Variants in HIVEP3 observed in about 807,000 individuals in gnomAD.
HIVEP3 encodes the protein transcription factor HIVEP3.
Under a neutral mutation model 152.8 loss-of-function variants are expected in HIVEP3, and 49 were observed. That is an observed-to-expected ratio of 0.32 (90% CI 0.26 to 0.41). HIVEP3 has a LOEUF of 0.41. Among genes scored for constraint, HIVEP3 ranks in the 10% least tolerant of loss-of-function variants. HIVEP3 has a pLI of 1.00. For missense variants in HIVEP3, 2,790 were observed against 3,103.3 expected, an observed-to-expected ratio of 0.90 and a Z score of 2.40; for synonymous variants, 1,269 against 1,289.0, an observed-to-expected ratio of 0.98 and a Z score of 0.33.
rs557624440 is a variant in HIVEP3, at chr1:41,753,098, A to C, written c.-800-52103T>G. Among the ~76,000 whole-genome samples the C allele has an allele frequency of 2.6e-5, 4 of 152,372 alleles. No individual in the cohort carries two copies. The East Asian group carries it at 7.7e-4, about 29-fold the overall frequency. On this transcript the variant is annotated intron_variant, in intron 1 of 8. Coordinates refer to ENST00000372583, the MANE Select transcript of HIVEP3 (RefSeq NM_024503.5). ...CTTCTGTAAAAACTCACGTGAGAAC[A>C]GTGGCAGGTAACTTGGCAAAGACTT...
chr1:42,035,849 G>T, exon 1 of HIVEP3: 1 of 149,946 alleles, frequency 6.7e-6, no homozygotes, highest in South Asian at 1.8e-4. Context: ...TTGGGATGCC[G>T]GGGTGGCGGG....
chr1:41,896,983 G>A (rs1644538739), intron 1 of HIVEP3, among the ~76,000 whole-genome samples: 1 of 152,094 alleles, frequency 6.6e-6, no homozygotes, highest in Non-Finnish European at 1.5e-5. Context: ...CAGCAGTCAT[G>A]GAGCGCTCGT....
intron 1 of HIVEP3, among the ~76,000 whole-genome samples, chr1:42,015,495 C>T (rs1411433297): frequency 1.3e-5 from 2 of 152,214 alleles, no homozygotes; most frequent in Non-Finnish European, 2.9e-5. Context: ...CAAGACCTGC[C>T]TCCTAAGGAA....
chr1:41,924,671 G>C (rs564962273), intron 1 of HIVEP3, among the ~76,000 whole-genome samples: 1 of 144,120 alleles, frequency 6.9e-6, no homozygotes, highest in Non-Finnish European at 1.6e-5. Context: ...ACGATAAAGT[G>C]AGACCATCTA....
chr1:41,567,570 G>C (rs1644185456), intron 5 of HIVEP3, among the ~76,000 whole-genome samples: 1 of 152,174 alleles, frequency 6.6e-6, no homozygotes, highest in Admixed American at 6.5e-5. Flanking sequence ...TGGGCCTCAG[G>C]GATAAGGCAG....
At chr1:41,955,495 CA>C (rs200126429) in intron 1 of HIVEP3, among the ~76,000 whole-genome samples, 11 of 150,420 alleles carry the variant, frequency 7.3e-5, no homozygotes, top group East Asian at 2.0e-4. Context: ...CAACAGCACA[CA>C]AAAAAAAACC....
intron 5 of HIVEP3, 126 bp downstream of exon 5, chr1:41,575,418 C>A (rs1434512341): frequency 4.2e-6 from 4 of 951,220 alleles, no homozygotes; most frequent in Non-Finnish European, 6.4e-6. Context: ...TGAAAGGCAT[C>A]GCTGGGACCA....
At chr1:41,726,153 A>C (rs1646749113) in intron 1 of HIVEP3, among the ~76,000 whole-genome samples, 1 of 152,220 alleles carries the variant, frequency 6.6e-6, no homozygotes, top group African/African-American at 2.4e-5. Context: ...TTTGAAACCA[A>C]ACCTTTTTCT....
chr1:41,519,640 G>C, intron 6 of HIVEP3, among the ~76,000 whole-genome samples: 1 of 152,220 alleles, frequency 6.6e-6, no homozygotes, highest in South Asian at 2.1e-4. Flanking sequence ...AAGTTTGAAT[G>C]GATGGATGGA....
At chr1:41,825,691 G>C (rs564386224) in intron 1 of HIVEP3, among the ~76,000 whole-genome samples, 4 of 152,052 alleles carry the variant, frequency 2.6e-5, no homozygotes, top group African/African-American at 7.2e-5. Flanking sequence ...CTGTAGCCTT[G>C]ACCACCCCAG....
At chr1:41,752,644 C>T (rs1647184988) in intron 1 of HIVEP3, among the ~76,000 whole-genome samples, 1 of 151,882 alleles carries the variant, frequency 6.6e-6, no homozygotes, top group Admixed American at 6.5e-5. Context: ...ATGCAAATCC[C>T]TGGGCCTGTC....
At chr1:41,673,471 T>C (rs1229140322) in intron 2 of HIVEP3, among the ~76,000 whole-genome samples, 3 of 152,162 alleles carry the variant, frequency 2.0e-5, no homozygotes, top group Non-Finnish European at 2.9e-5. Context: ...GAGGGGAGGC[T>C]GAGGCTGAGG....
rs1645741158 is a variant in HIVEP3 at position 41,662,935 on chromosome 1, C to A, written c.-720-33988G>T. Among the ~76,000 whole-genome samples, 1 of 152,208 alleles carries A rather than the reference C, an allele frequency of 6.6e-6. No individual in the cohort carries two copies. The highest frequency in any genetic ancestry group is 6.5e-5 in the Admixed American group (1 of 15,292). ...AGCCCGCGCCTCCCCAGGCGGGAAT[C>A]CGCTTTAATGAGCTCTGGGCGGGGC... On this transcript the variant is annotated intron_variant, in intron 2 of 8. Transcript: ENST00000372583. This position sits in a 1 kb window ranked among gnomAD's most constrained non-coding sequence, Gnocchi z 7.2.
intron 1 of HIVEP3, among the ~76,000 whole-genome samples, chr1:41,990,282 G>A (rs377543025): frequency 2.7e-5 from 4 of 148,194 alleles, no homozygotes; most frequent in African/African-American, 5.0e-5. Flanking sequence ...GGTTTCTGCT[G>A]AGAGATCTGC....
intron 1 of HIVEP3, among the ~76,000 whole-genome samples, chr1:41,738,492 C>A (rs987674702): frequency 3.3e-5 from 5 of 152,146 alleles, no homozygotes; most frequent in African/African-American, 1.2e-4. Context: ...CAAAGAAATT[C>A]ATTGACTCTT....
intron 7 of HIVEP3, among the ~76,000 whole-genome samples, chr1:41,514,138 G>A (rs1214680275): frequency 6.6e-6 from 1 of 151,104 alleles, no homozygotes; most frequent in Non-Finnish European, 1.5e-5. Context: ...CCATAGCAAA[G>A]AAGACAGTCT....
intron 1 of HIVEP3, among the ~76,000 whole-genome samples, chr1:41,731,892 A>G (rs1570417554): frequency 6.6e-6 from 1 of 152,234 alleles, no homozygotes; most frequent in Non-Finnish European, 1.5e-5. Flanking sequence ...GGGGTAATTT[A>G]CCACATGCAA....
intron 1 of HIVEP3, among the ~76,000 whole-genome samples, chr1:41,726,315 G>A (rs1247654726): frequency 5.3e-5 from 8 of 152,124 alleles, no homozygotes; most frequent in Non-Finnish European, 1.2e-4. Flanking sequence ...CTGCCTCCAA[G>A]AGTCAAGGCA....
intron 1 of HIVEP3, among the ~76,000 whole-genome samples, chr1:41,845,203 C>CTTATTT (rs1643402376): frequency 2.1e-5 from 1 of 47,832 alleles, no homozygotes. Context: ...TAAGAGACTA[C>CTTATTT]AATATGTTTA....
Sources: allele counts gnomAD v4.1 joint callset (sites outside exome capture counted in the v4.1 genomes callset), GRCh38; gene constraint gnomAD v4.1.1; non-coding constraint Gnocchi (gnomAD v3.1); transcripts MANE v1.5; gene names NCBI Gene and HGNC (gene_info 2026-07-23, HGNC 2026-07-21).